CHEK2: variants seen among roughly 807,000 people sequenced by gnomAD.
CHEK2 encodes checkpoint kinase 2.
In CHEK2, 71 loss-of-function variants were observed where a neutral mutation model predicts 69.1. The ratio of observed to expected loss-of-function variants is 1.03; its 90% CI spans 0.85 to 1.25. The LOEUF (loss-of-function observed/expected upper bound fraction) is 1.25. Among genes scored for constraint, CHEK2 ranks in the 50% most tolerant of loss-of-function variants. CHEK2 has a pLI of 0.00. For missense variants in CHEK2, 664 were observed against 649.6 expected (o/e 1.02, Z -0.24); for synonymous variants, 189 against 226.9 (o/e 0.83, Z 1.50).
chr22:28,713,516 C>T (rs1225425586), intron 5 of CHEK2, among the ~76,000 whole-genome samples: 1 of 151,926 alleles, frequency 6.6e-6, no homozygotes, highest in South Asian at 2.1e-4. Flanking sequence ...GCCACCACGC[C>T]CGGCTAATCT....
intron 8 of CHEK2, among the ~76,000 whole-genome samples, chr22:28,702,017 T>C (rs887983154): frequency 8.7e-5 from 13 of 150,158 alleles, no homozygotes; most frequent in African/African-American, 2.9e-4. Context: ...AGTGGCACAA[T>C]CTCAGCTCAT....
intron 2 of CHEK2, among the ~76,000 whole-genome samples, chr22:28,732,607 T>C (rs1371682557): frequency 1.3e-5 from 2 of 152,124 alleles, no homozygotes; most frequent in East Asian, 1.9e-4. Flanking sequence ...AAATTTAAAG[T>C]TGTATATGTG....
chr22:28,704,594 A>C (rs1388902905), intron 7 of CHEK2, among the ~76,000 whole-genome samples: 1 of 152,048 alleles, frequency 6.6e-6, no homozygotes. Context: ...CAGCCTCCCA[A>C]AGTGTTGGGA....
chr22:28,705,172 G>A (rs570239813), intron 7 of CHEK2, among the ~76,000 whole-genome samples: 3 of 150,404 alleles, frequency 2.0e-5, no homozygotes, highest in East Asian at 2.0e-4. Context: ...TCTGCCTCCC[G>A]GGTTCACGCC....
intron 4 of CHEK2, among the ~76,000 whole-genome samples, chr22:28,723,934 T>A (rs2053895314): frequency 6.7e-6 from 1 of 149,026 alleles, no homozygotes; most frequent in Non-Finnish European, 1.5e-5. Flanking sequence ...AGACCATGTC[T>A]CGAAAAAGAA....
chr22:28,708,363 ATGTGTGTGTGTGTGTG>A lies in CHEK2; in HGVS notation c.846+1627_846+1642del, dbSNP rs10694007. On this transcript the variant is annotated intron_variant, in intron 7 of 14. Transcript: ENST00000404276. ...ACAGAGACAGACTGTCTCTAAAAATATGTGTGTGTGTGTGTGTGTGTGTGTGTGTGTGTGTGTGTTA... is the reference window on the plus strand; with the variant it reads ...ACAGAGACAGACTGTCTCTAAAAATATGTGTGTGTGTGTGTGTGTGTGTTA... Among the ~76,000 whole-genome samples, 3 of 139,668 alleles carry A rather than the reference ATGTGTGTGTGTGTGTG, an allele frequency of 2.1e-5. No individual in the cohort carries two copies. In the Admixed American group the frequency reaches 2.2e-4, roughly 10 times the overall value. The allele number at this position is 139,668 out of a possible 152,430, so 91.6% of individuals were successfully genotyped here.
chr22:28,729,349 T>G (rs1290530743), intron 2 of CHEK2: 1 of 197,516 alleles, frequency 5.1e-6, no homozygotes, highest in Non-Finnish European at 1.1e-5. Context: ...GAGACCATCC[T>G]GGCTAACACG....
intron 1 of CHEK2, among the ~76,000 whole-genome samples, chr22:28,737,002 A>G (rs5762764): frequency 0.29 from 43,778 of 151,876 alleles, 7,310 homozygotes; most frequent in Middle Eastern, 0.41. Context: ...AATCAAAGTA[A>G]CATCCACTGC....
intron 1 of CHEK2, among the ~76,000 whole-genome samples, 170 bp from the exon 2 acceptor site, chr22:28,734,897 C>G (rs1170229644): frequency 6.6e-6 from 1 of 151,504 alleles, no homozygotes; most frequent in Non-Finnish European, 1.5e-5. Context: ...TATAGTTCTT[C>G]TGGGCTGAGC....
chr22:28,729,463 AC>A (rs1221781844), intron 2 of CHEK2: 1 of 148,542 alleles, frequency 6.7e-6, no homozygotes, highest in Non-Finnish European at 1.5e-5. Context: ...AATGGCGTGA[AC>A]CCCAGGGGGC....
At chr22:28,715,759 C>A (rs2145979590) in intron 5 of CHEK2, among the ~76,000 whole-genome samples, 1 of 152,226 alleles carries the variant, frequency 6.6e-6, no homozygotes, top group African/African-American at 2.4e-5. Flanking sequence ...AATTTTTTCT[C>A]TTACCTGACT....
rs1336652138 is a variant in CHEK2, at chr22:28,725,369, T to C, written c.320-2A>G. 6.2e-7 allele frequency: 1 copy of C among 1,614,108 alleles called. No homozygotes were observed. The highest frequency in any genetic ancestry group is 8.5e-7 in the Non-Finnish European group (1 of 1,180,022). On this transcript the variant is annotated splice_acceptor_variant, in intron 2 of 14. Transcript: ENST00000404276. LOFTEE classifies it high-confidence loss of function. Reference sequence around the variant, plus strand: ...ACCAGTAGTTGTCATTCACACATTCTGTAATATAAAAGCATGCATCAGAGG... The same window carrying C: ...ACCAGTAGTTGTCATTCACACATTCCGTAATATAAAAGCATGCATCAGAGG...
chr22:28,721,922 G>A lies in CHEK2; in HGVS notation c.593-2437C>T, dbSNP rs116438482. On this transcript the variant is annotated intron_variant, in intron 4 of 14. Coordinates refer to ENST00000404276, the MANE Select transcript of CHEK2 (RefSeq NM_007194.4). ...ATTTTTTTATGTTTGGCAGAGATGG[G>A]GTCTCACTATGTTGCCCAAGCTGGT... 7.6e-3 allele frequency among the ~76,000 whole-genome samples: 1,143 copies of A among 151,244 alleles called. 19 individuals are homozygous for A. The highest frequency in any genetic ancestry group is 0.027 in the African/African-American group (1,094 of 41,188).
chr22:28,721,459 G>A (rs1448649887), intron 4 of CHEK2: 2 of 313,044 alleles, frequency 6.4e-6, no homozygotes, highest in African/African-American at 4.4e-5. Flanking sequence ...GCTAATTTTT[G>A]TATTTTTAAT....
At chr22:28,699,774 T>A (rs1444595685) in intron 9 of CHEK2, 64 bp downstream of exon 9, 2 of 1,111,430 alleles carry the variant, frequency 1.8e-6, no homozygotes, top group East Asian at 2.3e-5. Flanking sequence ...GATTTCTGCC[T>A]AATTCAGGGA....
At chr22:28,696,304 C>T (rs1290646400) in intron 10 of CHEK2, among the ~76,000 whole-genome samples, 1 of 152,152 alleles carries the variant, frequency 6.6e-6, no homozygotes, top group Non-Finnish European at 1.5e-5. Flanking sequence ...TGTCATAAAT[C>T]CTAACAAGAG....
chr22:28,703,469 A>G (rs1449015495), intron 8 of CHEK2, 36 bp downstream of exon 8: 3 of 1,107,646 alleles, frequency 2.7e-6, no homozygotes, highest in Non-Finnish European at 4.0e-6. Flanking sequence ...AAGCATTTGA[A>G]TGGAAACAGA....
At chr22:28,726,289 A>T (rs914825940) in intron 2 of CHEK2, 1 of 151,830 alleles carries the variant, frequency 6.6e-6, no homozygotes, top group African/African-American at 2.4e-5. Context: ...GGATCACTTG[A>T]GCAAGATAAG....
chr22:28,721,281 G>GTTTTTTTTTTTT (rs755378917), intron 4 of CHEK2, among the ~76,000 whole-genome samples: 3 of 109,946 alleles, frequency 2.7e-5, no homozygotes, highest in Non-Finnish European at 5.4e-5. Context: ...GTTTGTTTGG[G>GTTTTTTTTTTTT]TTTTTTTTTT....
Sources: gnomAD v4.1 joint callset for allele counts (sites outside exome capture counted in the v4.1 genomes callset) on GRCh38, gnomAD v4.1.1 for gene constraint, MANE v1.5 for transcripts, NCBI Gene and HGNC (gene_info 2026-07-23, HGNC 2026-07-21) for gene names.